Variants in ATRX observed in about 807,000 individuals in gnomAD.
ATRX encodes the protein chromatin remodeler ATRX.
A neutral mutation model predicts 172.6 loss-of-function variants in ATRX; 12 were observed. The ratio of observed to expected loss-of-function variants is 0.07; its 90% CI spans 0.04 to 0.11. The LOEUF (loss-of-function observed/expected upper bound fraction) is 0.11. Among genes scored for constraint, ATRX ranks in the 10% least tolerant of loss-of-function variants. The pLI is 1.00. For synonymous variants in ATRX, 674 were observed against 594.7 expected (o/e 1.13, Z -1.94); for missense variants, 1,368 against 1,767.4 (o/e 0.77, Z 4.05).
chrX:77,563,635 C>T (rs1557063005), intron 28 of ATRX, among the ~76,000 whole-genome samples: 1 of 109,719 alleles, frequency 9.1e-6, no homozygotes, highest in Admixed American at 9.8e-5. Context: ...TGTGAAATGA[C>T]GTTTGTATTA....
chrX:77,781,171 G>A (rs1280834989), intron 1 of ATRX, among the ~76,000 whole-genome samples: 1 of 107,707 alleles, frequency 9.3e-6, no homozygotes, highest in Non-Finnish European at 1.9e-5. Flanking sequence ...GCCGGGCGCG[G>A]TGGCTCACAC....
intron 1 of ATRX, among the ~76,000 whole-genome samples, chrX:77,771,373 CAAA>C (rs1166853044): frequency 1.3e-5 from 1 of 76,509 alleles, no homozygotes. Context: ...GACTCCGTCT[CAAA>C]AAAAAAAAAA....
chrX:77,785,920 C>T, intron 1 of ATRX, 62 bp downstream of exon 1: 6 of 1,152,802 alleles, frequency 5.2e-6, no homozygotes, highest in Non-Finnish European at 6.9e-6. Flanking sequence ...TTCCCAAACA[C>T]CCGACTCAGA....
intron 17 of ATRX, among the ~76,000 whole-genome samples, chrX:77,634,056 A>G (rs2068231472): frequency 9.1e-6 from 1 of 110,145 alleles, no homozygotes; most frequent in African/African-American, 3.3e-5. Flanking sequence ...ATATTTTTCC[A>G]CTTTAATGTG....
At chrX:77,519,959 G>T (rs185383199) in intron 34 of ATRX, among the ~76,000 whole-genome samples, 1 of 111,978 alleles carries the variant, frequency 8.9e-6, no homozygotes, top group African/African-American at 3.2e-5. Context: ...ATATACAATG[G>T]AGTACTATTC....
chrX:77,766,103 A>C (rs1202297315), intron 1 of ATRX, among the ~76,000 whole-genome samples: 3 of 112,600 alleles, frequency 2.7e-5, no homozygotes, highest in Non-Finnish European at 3.8e-5. Flanking sequence ...CTACACAGAC[A>C]CGGCAACCAT....
chrX:77,513,248 C>T (rs1006093186), intron 34 of ATRX, among the ~76,000 whole-genome samples: 2 of 89,729 alleles, frequency 2.2e-5, no homozygotes, highest in South Asian at 6.6e-4. Flanking sequence ...ACCCGGGAGG[C>T]GGAGCTTGCA....
chrX:77,692,846 A>AGT (rs3063059), intron 6 of ATRX, among the ~76,000 whole-genome samples: 24,963 of 81,638 alleles, frequency 0.31, 3,327 homozygotes, highest in Admixed American at 0.4. Context: ...CCAATATTAG[A>AGT]GTGTGTGTGT....
In ATRX at chrX:77,522,281, C is replaced by T. The variant is rs2147748248; in HGVS notation, c.6957G>A (p.Met2319Ile). 1 of 1,210,922 alleles carries T rather than the reference C, an allele frequency of 8.3e-7. No homozygotes were observed. Among genetic ancestry groups the T allele is most frequent in the Non-Finnish European group, 1.1e-6 (1 of 894,841 alleles). The part of the protein sequence containing the change: ...IPFNLGALSA[M>I]SNQQLEDLIN... Reference sequence around the variant, plus strand: ...AACTCACCTCCAGCTGTTGATTACTCATTGCTGACAGGGCTCCCAAATTGA... The same window carrying T: ...AACTCACCTCCAGCTGTTGATTACTTATTGCTGACAGGGCTCCCAAATTGA... The change falls in exon 32 of 35, where the codon ATG (methionine) becomes ATA (isoleucine). Residue 2319 changes from methionine (M) to isoleucine (I), a missense_variant. Met to Ile is a conservative substitution (Grantham distance 10, BLOSUM62 1). Around this residue, in one of 17 missense-constraint regions of ATRX, gnomAD observed 100 missense variants for 153.9 expected, o/e 0.65. Coordinates refer to ENST00000373344, the MANE Select transcript of ATRX (RefSeq NM_000489.6).
chrX:77,638,403 G>A (rs782614607), intron 15 of ATRX, among the ~76,000 whole-genome samples: 4 of 112,984 alleles, frequency 3.5e-5, no homozygotes, highest in Non-Finnish European at 5.6e-5. Flanking sequence ...AACCTGAGAG[G>A]TGGAGGTTGC....
chrX:77,627,515 G>C (rs1244395564), intron 19 of ATRX, among the ~76,000 whole-genome samples: 1 of 110,771 alleles, frequency 9.0e-6, no homozygotes, highest in East Asian at 2.8e-4. Flanking sequence ...GATTGCTTGA[G>C]GCCAGGAGGC....
intron 30 of ATRX, among the ~76,000 whole-genome samples, chrX:77,533,306 T>C (rs782703716): frequency 2.7e-5 from 3 of 112,519 alleles, no homozygotes; most frequent in South Asian, 3.7e-4. Context: ...AATCATTCTA[T>C]TATAAAGATA....
rs1301522662 is a variant in ATRX, at chrX:77,505,297, C to T, written c.*3054G>A. 9.9e-5 allele frequency: 17 copies of T among 172,473 alleles called. No homozygotes were observed. Among genetic ancestry groups the T allele is most frequent in the Non-Finnish European group, 1.3e-4 (12 of 90,635 alleles). The allele number at this position is 172,473 out of a possible 1,213,427, so 14.2% of individuals were successfully genotyped here. A position where few individuals can be genotyped will look rare whatever the true frequency, so the allele number is the denominator to read the frequency against. On this transcript the variant is annotated 3_prime_UTR_variant, in exon 35 of 35. Coordinates refer to ENST00000373344, the MANE Select transcript of ATRX (RefSeq NM_000489.6). ...TTTATGATAATGGAGGGAAAATGAA[C>T]ATAGCTAAGGGAAGGCTACAAAATA...
chrX:77,661,849 A>G (rs2069927682), intron 12 of ATRX, among the ~76,000 whole-genome samples: 1 of 111,471 alleles, frequency 9.0e-6, no homozygotes, highest in Non-Finnish European at 1.9e-5. Flanking sequence ...AAAGATCTCC[A>G]GTATCTGGTC....
chrX:77,590,382 G>C (rs1392744674), intron 26 of ATRX, among the ~76,000 whole-genome samples: 1 of 110,492 alleles, frequency 9.1e-6, no homozygotes, highest in Non-Finnish European at 1.9e-5. Flanking sequence ...AGACCGAGAC[G>C]GGTGGATCAC....
intron 1 of ATRX, among the ~76,000 whole-genome samples, chrX:77,782,135 A>C (rs782173169): frequency 9.8e-5 from 11 of 111,910 alleles, no homozygotes; most frequent in Non-Finnish European, 1.9e-4. Flanking sequence ...TTGATATTTA[A>C]ATGCTTTTTA....
At chrX:77,761,274 A>G (rs1272516734) in intron 1 of ATRX, among the ~76,000 whole-genome samples, 3 of 111,795 alleles carry the variant, frequency 2.7e-5, no homozygotes, top group Non-Finnish European at 3.8e-5. Flanking sequence ...GCAGTGGCTC[A>G]TATCTGTAAT....
intron 30 of ATRX, among the ~76,000 whole-genome samples, chrX:77,547,618 T>A (rs546379299): frequency 2.7e-5 from 3 of 111,838 alleles, no homozygotes; most frequent in African/African-American, 9.7e-5. Flanking sequence ...CAGCTGGCTA[T>A]AAGGTAGACT....
chrX:77,671,378 T>C (rs1358532451), intron 10 of ATRX, among the ~76,000 whole-genome samples: 1 of 105,439 alleles, frequency 9.5e-6, no homozygotes, highest in Non-Finnish European at 1.9e-5. Flanking sequence ...ACCAGGAAAA[T>C]TAATATCAAA....
Sources: gnomAD v4.1 joint callset for allele counts (sites outside exome capture counted in the v4.1 genomes callset) on GRCh38, gnomAD v4.1.1 for gene constraint, gnomAD v4.1.1 regional missense constraint, MANE v1.5 for transcripts, NCBI Gene and HGNC (gene_info 2026-07-23, HGNC 2026-07-21) for gene names.